The following RERG variants were observed in gnomAD, a reference collection of about 807,000 sequenced individuals.
The protein encoded by RERG is RAS like estrogen regulated growth inhibitor.
A neutral mutation model predicts 23.2 loss-of-function variants in RERG; 25 were observed. The ratio of observed to expected loss-of-function variants is 1.08; its 90% CI spans 0.79 to 1.50. RERG has a LOEUF of 1.50. Ranked by LOEUF, RERG falls within the 40% of genes most tolerant of loss-of-function variation. The probability of loss-of-function intolerance (pLI) is 0.00; values close to 1 mark genes in which losing one functional copy is unlikely to be tolerated. For missense variants in RERG, 253 were observed against 250.1 expected (o/e 1.01, Z -0.08); for synonymous variants, 81 against 89.1 (o/e 0.91, Z 0.51).
At chr12:15,117,668 C>T (rs1863748771) in intron 3 of RERG, among the ~76,000 whole-genome samples, 1 of 50,748 alleles carries the variant, frequency 2.0e-5, no homozygotes, top group African/African-American at 7.7e-5. Flanking sequence ...GCCTCCATCA[C>T]ACACGCGCAC....
intron 2 of RERG, among the ~76,000 whole-genome samples, chr12:15,174,594 A>G (rs1048384080): frequency 7.2e-5 from 11 of 151,746 alleles, no homozygotes; most frequent in Admixed American, 3.9e-4. Flanking sequence ...TCACATTCCA[A>G]TTACACATAT....
chr12:15,142,143 T>C (rs1295116701), intron 2 of RERG, among the ~76,000 whole-genome samples: 2 of 152,234 alleles, frequency 1.3e-5, no homozygotes, highest in Admixed American at 1.3e-4. Context: ...TATTCTCCAT[T>C]AATAAATGTG....
At chr12:15,212,098 G>A (rs1256543825) in intron 2 of RERG, among the ~76,000 whole-genome samples, 1 of 130,910 alleles carries the variant, frequency 7.6e-6, no homozygotes, top group Non-Finnish European at 1.6e-5. Flanking sequence ...TGTCGCCCAG[G>A]CCGGACTGCG....
chr12:15,217,490 G>T lies in RERG; in HGVS notation c.-1C>A. On this transcript the variant is annotated 5_prime_UTR_variant, in exon 2 of 5. Coordinates refer to ENST00000256953, the MANE Select transcript of RERG (RefSeq NM_032918.3). ...GTTTGACCTCCGCACTTTTAGCCAT[G>T]ATGGGTGTTGGTAGACAATTTACTG... The T allele has an allele frequency of 6.2e-7, 1 of 1,610,174 alleles. No individual in the cohort carries two copies. Among genetic ancestry groups the T allele is most frequent in the Non-Finnish European group, 8.5e-7 (1 of 1,176,450 alleles).
intron 2 of RERG, among the ~76,000 whole-genome samples, chr12:15,192,955 A>G (rs1865091959): frequency 6.6e-6 from 1 of 152,176 alleles, no homozygotes; most frequent in African/African-American, 2.4e-5. Context: ...TAGCTATGCT[A>G]ACCTTTAGTA....
At chr12:15,160,289 CA>C (rs1265903384) in intron 2 of RERG, among the ~76,000 whole-genome samples, 1 of 152,116 alleles carries the variant, frequency 6.6e-6, no homozygotes, top group Non-Finnish European at 1.5e-5. Context: ...CCTCGCTGGG[CA>C]GCACAGTAAC....
intron 2 of RERG, among the ~76,000 whole-genome samples, chr12:15,194,030 A>T (rs949677486): frequency 6.6e-6 from 1 of 152,146 alleles, no homozygotes; most frequent in African/African-American, 2.4e-5. Context: ...GCAGGAAAAA[A>T]AAGTAAGTAC....
At chr12:15,182,564 A>C (rs1864939254) in intron 2 of RERG, among the ~76,000 whole-genome samples, 1 of 152,194 alleles carries the variant, frequency 6.6e-6, no homozygotes, top group Non-Finnish European at 1.5e-5. Context: ...TCTCATCTAA[A>C]ACAATTAAAC....
At chr12:15,120,132 TG>T (rs1417564314) in intron 3 of RERG, among the ~76,000 whole-genome samples, 1 of 152,152 alleles carries the variant, frequency 6.6e-6, no homozygotes, top group Non-Finnish European at 1.5e-5. Flanking sequence ...TAGACAAAAA[TG>T]TTGGGTTTTC....
chr12:15,113,024 T>C (rs151018108), intron 3 of RERG, among the ~76,000 whole-genome samples: 1,554 of 152,336 alleles, frequency 0.01, 12 homozygotes, highest in Middle Eastern at 0.017. Context: ...CAGACTGATG[T>C]AGGACTTTTT....
At chr12:15,159,121 G>C (rs1050354337) in intron 2 of RERG, among the ~76,000 whole-genome samples, 2 of 152,144 alleles carry the variant, frequency 1.3e-5, no homozygotes, top group Admixed American at 1.3e-4. Flanking sequence ...GAAAGAACTT[G>C]TCTTTCTCCC....
At chr12:15,157,495 A>G (rs1864539633) in intron 2 of RERG, among the ~76,000 whole-genome samples, 1 of 152,208 alleles carries the variant, frequency 6.6e-6, no homozygotes, top group African/African-American at 2.4e-5. Context: ...AACCATGAAA[A>G]TGTAGTGCTA....
At chr12:15,195,587 G>GTGCA (rs1380822192) in intron 2 of RERG, among the ~76,000 whole-genome samples, 1 of 139,742 alleles carries the variant, frequency 7.2e-6, no homozygotes, top group East Asian at 2.5e-4. Context: ...GTGTGTGTGT[G>GTGCA]TGTGTGTGTG....
intron 2 of RERG, among the ~76,000 whole-genome samples, chr12:15,155,942 A>G (rs1022811485): frequency 6.6e-6 from 1 of 150,942 alleles, no homozygotes; most frequent in South Asian, 2.1e-4. Context: ...ACATGTATAC[A>G]TATGTAACTA....
At chr12:15,214,829 A>C (rs1478422184) in intron 2 of RERG, among the ~76,000 whole-genome samples, 1 of 152,194 alleles carries the variant, frequency 6.6e-6, no homozygotes, top group Non-Finnish European at 1.5e-5. Context: ...CCTGAGCGAC[A>C]GAGGGAGACC....
At chr12:15,145,655 G>C (rs1044859839) in intron 2 of RERG, among the ~76,000 whole-genome samples, 7 of 152,222 alleles carry the variant, frequency 4.6e-5, no homozygotes, top group African/African-American at 1.7e-4. Flanking sequence ...GCAGCACAGA[G>C]GGGCAGCTGT....
chr12:15,123,215 C>A (rs1863869347), intron 2 of RERG, among the ~76,000 whole-genome samples: 1 of 152,038 alleles, frequency 6.6e-6, no homozygotes, highest in Admixed American at 6.6e-5. Flanking sequence ...ATTCCAAAAC[C>A]ATTTAAATTT....
chr12:15,132,161 G>A (rs1357859741), intron 2 of RERG, among the ~76,000 whole-genome samples: 1 of 152,160 alleles, frequency 6.6e-6, no homozygotes, highest in Non-Finnish European at 1.5e-5. Flanking sequence ...CTAGGAGGAT[G>A]AAGGTAAGAC....
intron 3 of RERG, chr12:15,112,465 C>T (rs1390995162): frequency 6.6e-6 from 1 of 152,134 alleles, no homozygotes; most frequent in Admixed American, 6.6e-5. Flanking sequence ...AGAGTGGTCA[C>T]CAAGCTATGT....
Sources: allele counts gnomAD v4.1 joint callset (sites outside exome capture counted in the v4.1 genomes callset), GRCh38; gene constraint gnomAD v4.1.1; transcripts MANE v1.5; gene names NCBI Gene and HGNC (gene_info 2026-07-23, HGNC 2026-07-21).